The following STX18 variants were observed in gnomAD, a reference collection of about 807,000 sequenced individuals.
STX18 encodes syntaxin-18.
Under a neutral mutation model 50.1 loss-of-function variants are expected in STX18, and 40 were observed. The ratio of observed to expected loss-of-function variants is 0.80; its 90% CI spans 0.62 to 1.04. The LOEUF (loss-of-function observed/expected upper bound fraction) is 1.04. Among genes scored for constraint, STX18 ranks in the 50% least tolerant of loss-of-function variants. STX18 has a pLI of 0.00. For synonymous variants in STX18, 158 were observed against 151.8 expected (o/e 1.04, Z -0.30); for missense variants, 410 against 415.8 (o/e 0.99, Z 0.12).
chr4:4,434,891 A>C, intron 6 of STX18, 33 bp from the exon 7 acceptor site: 1 of 1,509,314 alleles, frequency 6.6e-7, no homozygotes, highest in Non-Finnish European at 9.1e-7. Context: ...TAGAAGACCA[A>C]ATATGTGTTT....
In STX18 at chr4:4,457,223, G is replaced by T; in HGVS notation, c.465C>A (p.Ile155=). ...TCTTATCCACCACTCTTTTAACTCGGATGGCTCTCTGTTCTGAGTAAAGTT... is the reference window on the plus strand; with the variant it reads ...TCTTATCCACCACTCTTTTAACTCGTATGGCTCTCTGTTCTGAGTAAAGTT... ...VCKLYSEQRA[I]RVKRVVDKKR... Residue 155 remains isoleucine, a synonymous_variant, in exon 5 of 11, where the codon ATC becomes ATA. Transcript: ENST00000306200. The T allele has an allele frequency of 6.2e-7, 1 of 1,614,052 alleles. No individual in the cohort carries two copies. The highest frequency in any genetic ancestry group is 8.5e-7 in the Non-Finnish European group (1 of 1,179,982).
rs1176436272 is a variant in STX18, at chr4:4,420,018, G to A, written c.*16C>T. 5 of 1,601,534 alleles carry A rather than the reference G, an allele frequency of 3.1e-6. No individual in the cohort carries two copies. The highest frequency in any genetic ancestry group is 4.3e-6 in the Non-Finnish European group (5 of 1,173,650). On this transcript the variant is annotated 3_prime_UTR_variant, in exon 11 of 11. Transcript: ENST00000306200. The surrounding 1 kb of genome is among the most constrained non-coding windows in gnomAD (Gnocchi z 4.3). ...GTGCCCATGAGGACTCTCGTGCTGG[G>A]CCCCCGTGGCCCTGGCTAGCTGTCG...
intron 1 of STX18, among the ~76,000 whole-genome samples, chr4:4,515,534 G>A (rs1730212476): frequency 6.6e-6 from 1 of 152,030 alleles, no homozygotes; most frequent in South Asian, 2.1e-4. Context: ...GATTTGAAAT[G>A]GACTTTGAAT....
chr4:4,494,822 C>A (rs1465761522), intron 1 of STX18, among the ~76,000 whole-genome samples: 1 of 152,084 alleles, frequency 6.6e-6, no homozygotes. Context: ...TCATTAGGAG[C>A]CCCACGTGTG....
chr4:4,473,676 C>T (rs1228645218), intron 1 of STX18, among the ~76,000 whole-genome samples: 1 of 152,172 alleles, frequency 6.6e-6, no homozygotes, highest in Non-Finnish European at 1.5e-5. Context: ...AAAGATTTGA[C>T]CAAGCTACTC....
intron 5 of STX18, among the ~76,000 whole-genome samples, chr4:4,442,297 C>G (rs536469760): frequency 6.6e-6 from 1 of 151,942 alleles, no homozygotes; most frequent in African/African-American, 2.4e-5. Context: ...CAGAGATATA[C>G]ACATAAAAAA....
intron 2 of STX18, among the ~76,000 whole-genome samples, chr4:4,460,994 G>GACA (rs1727347162): frequency 6.6e-6 from 1 of 152,096 alleles, no homozygotes; most frequent in South Asian, 2.1e-4. Flanking sequence ...CGGGGTCAGG[G>GACA]ACAAATGAGT....
At chr4:4,532,718 G>C (rs531680684) in intron 1 of STX18, among the ~76,000 whole-genome samples, 1 of 152,214 alleles carries the variant, frequency 6.6e-6, no homozygotes, top group Admixed American at 6.5e-5. Flanking sequence ...TAAGCTATTG[G>C]CAAAGGCCAA....
intron 1 of STX18, chr4:4,507,517 C>G (rs903489764): frequency 2.6e-6 from 2 of 768,244 alleles, no homozygotes; most frequent in African/African-American, 1.7e-5. Context: ...TAAGCCAATT[C>G]GAAAAAGCCG....
At chr4:4,491,937 G>C (rs1728960750) in intron 1 of STX18, among the ~76,000 whole-genome samples, 1 of 151,992 alleles carries the variant, frequency 6.6e-6, no homozygotes, top group African/African-American at 2.4e-5. Context: ...TCACACTCCG[G>C]TTACCCAGCC....
chr4:4,457,115 G>A, intron 5 of STX18, 76 bp downstream of exon 5: 12 of 1,346,114 alleles, frequency 8.9e-6, no homozygotes, highest in Non-Finnish European at 1.3e-5. Flanking sequence ...CATAGGGTAA[G>A]TGCTCTACAA....
chr4:4,489,396 T>C (rs966171360), intron 1 of STX18, among the ~76,000 whole-genome samples: 10 of 67,738 alleles, frequency 1.5e-4, no homozygotes, highest in Non-Finnish European at 9.9e-5. Context: ...AAATAATTTT[T>C]TTTTTTTTTT....
intron 2 of STX18, among the ~76,000 whole-genome samples, chr4:4,462,759 G>A (rs979390547): frequency 5.3e-5 from 8 of 152,124 alleles, no homozygotes; most frequent in Admixed American, 2.6e-4. Flanking sequence ...AGAATGCCTC[G>A]GGGACAACAG....
In STX18 at chr4:4,501,745, G is replaced by T. The variant is rs1278271059; in HGVS notation, c.169-30039C>A. Among the ~76,000 whole-genome samples, 4 of 152,238 alleles carry T rather than the reference G, an allele frequency of 2.6e-5. No homozygotes were observed. In the South Asian group the frequency reaches 8.3e-4, roughly 32 times the overall value. ...TCATGAACAATAACTCGGCAAATTG[G>T]AAATACTTAAATACGAATGCCATAC... On this transcript the variant is annotated intron_variant, in intron 1 of 10. Transcript: ENST00000306200.
chr4:4,511,713 AGTGTGT>A (rs3038434), intron 1 of STX18, among the ~76,000 whole-genome samples: 10,122 of 137,418 alleles, frequency 0.074, 484 homozygotes, highest in African/African-American at 0.15. Context: ...ACTCATGATT[AGTGTGT>A]GTGTGTGTGT....
At chr4:4,472,627 A>G (rs749037559) in intron 1 of STX18, among the ~76,000 whole-genome samples, 2 of 151,996 alleles carry the variant, frequency 1.3e-5, no homozygotes, top group African/African-American at 2.4e-5. Flanking sequence ...TGCACACCAC[A>G]CTCTTGGCAC....
chr4:4,507,655 G>A, intron 1 of STX18: 1 of 781,768 alleles, frequency 1.3e-6, no homozygotes. Flanking sequence ...ATGGCAGCCG[G>A]CTCATAAAGG....
chr4:4,481,597 T>A lies in STX18; in HGVS notation c.169-9891A>T, dbSNP rs891298937. Reference sequence around the variant, plus strand: ...AAGTTAAAGTGATTTTTCACAAGGATCATGTACCCAAGTTTAATTTGGAGC... The same window carrying A: ...AAGTTAAAGTGATTTTTCACAAGGAACATGTACCCAAGTTTAATTTGGAGC... On this transcript the variant is annotated intron_variant, in intron 1 of 10. Transcript: ENST00000306200. 4 of 152,332 alleles carry A rather than the reference T, an allele frequency of 2.6e-5. No homozygotes were observed. The South Asian group carries it at 8.3e-4, about 32-fold the overall frequency. 9.4% of individuals were successfully genotyped at this position (152,332 alleles called of 1,614,324 possible). A position where few individuals can be genotyped will look rare whatever the true frequency, so the allele number is the denominator to read the frequency against.
intron 1 of STX18, among the ~76,000 whole-genome samples, chr4:4,504,588 T>C (rs12500413): frequency 3.3e-5 from 5 of 152,320 alleles, no homozygotes; most frequent in Admixed American, 3.3e-4. Flanking sequence ...GGACTTGTTG[T>C]TCAGAATGTA....
Sources: allele counts gnomAD v4.1 joint callset (sites outside exome capture counted in the v4.1 genomes callset), GRCh38; gene constraint gnomAD v4.1.1; non-coding constraint Gnocchi (gnomAD v3.1); transcripts MANE v1.5; gene names NCBI Gene and HGNC (gene_info 2026-07-23, HGNC 2026-07-21).